The following CD8A variants were observed in gnomAD, a reference collection of about 807,000 sequenced individuals.
The protein encoded by CD8A is T-cell surface glycoprotein CD8 alpha chain.
Under a neutral mutation model 24.2 loss-of-function variants are expected in CD8A, and 25 were observed. That is an observed-to-expected ratio of 1.03 (90% CI 0.75 to 1.44). The LOEUF (loss-of-function observed/expected upper bound fraction) is 1.44. Among genes scored for constraint, CD8A ranks in the 40% most tolerant of loss-of-function variants. CD8A has a pLI of 0.00. For synonymous variants in CD8A, 165 were observed against 149.9 expected (o/e 1.10, Z -0.74); for missense variants, 360 against 319.7 (o/e 1.13, Z -0.96).
intron 2 of CD8A, among the ~76,000 whole-genome samples, chr2:86,802,881 G>A (rs1198255471): frequency 6.6e-6 from 1 of 152,176 alleles, no homozygotes; most frequent in East Asian, 1.9e-4. Flanking sequence ...AAAATGCTGG[G>A]ATTACAGGTG....
upstream of CD8A, among the ~76,000 whole-genome samples, chr2:86,793,737 A>C (rs1429121865): frequency 6.6e-6 from 1 of 152,228 alleles, no homozygotes; most frequent in African/African-American, 2.4e-5. Flanking sequence ...GATCTTGAGA[A>C]TCAGGCCCCT....
At chr2:86,807,058 G>C (rs1205105054) in intron 2 of CD8A, among the ~76,000 whole-genome samples, 1 of 152,096 alleles carries the variant, frequency 6.6e-6, no homozygotes, top group African/African-American at 2.4e-5. Flanking sequence ...GACTCAGGAG[G>C]CCTCTGAACA....
At chr2:86,796,814 G>A (rs1374286848) in intron 3 of CD8A, among the ~76,000 whole-genome samples, 5 of 152,154 alleles carry the variant, frequency 3.3e-5, no homozygotes, top group South Asian at 4.1e-4. Context: ...ACAATAAGAC[G>A]TCAGACTCTT....
intron 2 of CD8A, among the ~76,000 whole-genome samples, chr2:86,803,517 A>T (rs1017005672): frequency 5.9e-5 from 9 of 152,238 alleles, no homozygotes; most frequent in Non-Finnish European, 1.0e-4. Flanking sequence ...ACACAGAAAA[A>T]AAATATTGCA....
intron 5 of CD8A, among the ~76,000 whole-genome samples, chr2:86,787,759 C>T (rs1330957999): frequency 1.3e-5 from 2 of 152,120 alleles, no homozygotes; most frequent in Admixed American, 6.5e-5. Context: ...CACAAAGTTG[C>T]TGTGAGGATT....
At chr2:86,808,201 G>A (rs1030312956) in exon 1 of CD8A, 2 of 152,526 alleles carry the variant, frequency 1.3e-5, no homozygotes, top group Non-Finnish European at 2.9e-5. Flanking sequence ...CTCCTGAGGG[G>A]GTCAGGGCCT....
chr2:86,790,304 G>C lies in CD8A; in HGVS notation c.403+24C>G, dbSNP rs761070645. 4 of 1,551,670 alleles carry C rather than the reference G, an allele frequency of 2.6e-6. No homozygotes were observed. In the African/African-American group the frequency reaches 4.1e-5, roughly 16 times the overall value. On this transcript the variant is annotated intron_variant, in intron 2 of 5. Transcript: ENST00000283635. Reference sequence around the variant, plus strand: ...GTGAACCCCAAGCCCCACGCGGAGAGGTGCCGCAACCCGGCGCGCGGACCT... The same window carrying C: ...GTGAACCCCAAGCCCCACGCGGAGACGTGCCGCAACCCGGCGCGCGGACCT...
In CD8A at chr2:86,789,643, C is replaced by A. The variant is rs751865065; in HGVS notation, c.511G>T (p.Ala171Ser). The change falls in exon 3 of 6, where the codon GCA becomes TCA. Residue 171 changes from alanine to serine, a missense_variant. Ala to Ser is a moderately conservative substitution (Grantham distance 99). Transcript: ENST00000283635. ...CCCGGGCCCCCGCACGCCTCACCTG[C>A]GCCCCCCGCCGCTGGCCGGCACGCC... ...PEACRPAAGG[A>S]VHTRGLDFAC... 2.7e-6 allele frequency: 4 copies of A among 1,479,182 alleles called. No individual in the cohort carries two copies. The South Asian group carries it at 5.3e-5, about 20-fold the overall frequency. The allele number at this position is 1,479,182 out of a possible 1,614,324, so 91.6% of individuals were successfully genotyped here. A position where few individuals can be genotyped will look rare whatever the true frequency, so the allele number is the denominator to read the frequency against.
In CD8A at chr2:86,785,163, C is replaced by T; in HGVS notation, c.*757G>A. ...TGCAAGGGCTGGGAGAGCAATTCCG[C>T]CTCCACATAGGGGTTTCACAGAGAT... On this transcript the variant is annotated 3_prime_UTR_variant, in exon 6 of 6. Coordinates refer to ENST00000283635, the MANE Select transcript of CD8A (RefSeq NM_001768.7). 2.2e-6 allele frequency: 1 copy of T among 454,026 alleles called. No homozygotes were observed. Among genetic ancestry groups the T allele is most frequent in the South Asian group, 1.6e-5 (1 of 64,462 alleles). The allele number at this position is 454,026 out of a possible 1,614,324, so 28.1% of individuals were successfully genotyped here. A position where few individuals can be genotyped will look rare whatever the true frequency, so the allele number is the denominator to read the frequency against.
Position 86,790,372 on chromosome 2 carries a change from T to C in CD8A, c.359A>G (p.Asn120Ser), listed in dbSNP as rs201385983. Residue 120 changes from asparagine to serine, a missense_variant, in exon 2 of 6, where the codon AAC becomes AGC. Asn to Ser is a conservative substitution (Grantham distance 46, BLOSUM62 1). Transcript: ENST00000283635. ...EGYYFCSALS[N>S]SIMYFSHFVP... ...GAAGTGGCTGAAGTACATGATGGAG[T>C]TGCTCAGGGCCGAGCAGAAATAGTA... 9 of 1,613,012 alleles carry C rather than the reference T, an allele frequency of 5.6e-6. No individual in the cohort carries two copies. In the Admixed American group the frequency reaches 8.3e-5, roughly 15 times the overall value.
chr2:86,785,227 G>A lies in CD8A; in HGVS notation c.*693C>T. 2.2e-6 allele frequency: 1 copy of A among 453,662 alleles called. No homozygotes were observed. The highest frequency in any genetic ancestry group is 4.4e-6 in the Non-Finnish European group (1 of 226,746). The allele number at this position is 453,662 out of a possible 1,614,324, so 28.1% of individuals were successfully genotyped here. On this transcript the variant is annotated 3_prime_UTR_variant, in exon 6 of 6. Coordinates refer to ENST00000283635, the MANE Select transcript of CD8A (RefSeq NM_001768.7). ...AGAGGGATTCATTTTCCAGGGTTAAGCTCACCACTTCATTTTATTTTAGGT... is the reference window on the plus strand; with the variant it reads ...AGAGGGATTCATTTTCCAGGGTTAAACTCACCACTTCATTTTATTTTAGGT...
At chr2:86,805,341 T>A (rs1485085749) in intron 2 of CD8A, among the ~76,000 whole-genome samples, 1 of 152,170 alleles carries the variant, frequency 6.6e-6, no homozygotes, top group Non-Finnish European at 1.5e-5. Context: ...AGGAATGACT[T>A]GAGGAGTATG....
intron 3 of CD8A, among the ~76,000 whole-genome samples, chr2:86,798,538 T>G (rs956813449): frequency 3.3e-5 from 5 of 151,972 alleles, no homozygotes; most frequent in Non-Finnish European, 7.4e-5. Context: ...CTTTTTTTTT[T>G]TTGAGGCAGA....
At position 86,789,698 on chromosome 2, in the gene CD8A, G is replaced by A; in HGVS notation, c.456C>T (p.Ile152=). 7.1e-7 allele frequency: 1 copy of A among 1,405,224 alleles called. No individual in the cohort carries two copies. The highest frequency in any genetic ancestry group is 3.0e-5 in the Admixed American group (1 of 33,326). 87.0% of individuals were successfully genotyped at this position (1,405,224 alleles called of 1,614,324 possible). The part of the protein sequence containing the change: ...APRPPTPAPT[I]ASQPLSLRPE... Reference sequence around the variant, plus strand: ...GGCGCAGGGACAGGGGCTGCGACGCGATGGTGGGCGCCGGTGTTGGTGGTC... The same window carrying A: ...GGCGCAGGGACAGGGGCTGCGACGCAATGGTGGGCGCCGGTGTTGGTGGTC... Residue 152 remains isoleucine, a synonymous_variant, in exon 3 of 6, where the codon ATC becomes ATT. Coordinates refer to ENST00000283635, the MANE Select transcript of CD8A (RefSeq NM_001768.7).
Position 86,790,652 on chromosome 2 carries a change from A to G in CD8A, c.79T>C (p.Ser27Pro). The G allele has an allele frequency of 6.2e-7, 1 of 1,601,120 alleles. No individual in the cohort carries two copies. The change falls in exon 2 of 6, where the codon TCG becomes CCG. Residue 27 changes from serine to proline, a missense_variant. Transcript: ENST00000283635. ...AGGTTCCAGGTCCGATCCAGCGGCG[A>G]CACCCGGAACTGGCTCGGCCTGGCG... is the stretch of plus-strand genomic sequence containing the variant. ...HAARPSQFRV[S>P]PLDRTWNLGE...
chr2:86,788,634 G>A, intron 4 of CD8A, 74 bp from the exon 5 acceptor site: 1 of 1,330,948 alleles, frequency 7.5e-7, no homozygotes, highest in Non-Finnish European at 1.1e-6. Context: ...TGTATTTTTT[G>A]TTGTTGCTGT....
intron 3 of CD8A, among the ~76,000 whole-genome samples, chr2:86,796,470 A>C (rs1181046888): frequency 3.9e-5 from 6 of 152,214 alleles, no homozygotes; most frequent in Non-Finnish European, 7.3e-5. Context: ...TTTGAAATAT[A>C]ATTGGGAGAA....
upstream of CD8A, among the ~76,000 whole-genome samples, chr2:86,793,348 T>G (rs1040514667): frequency 6.6e-6 from 1 of 152,160 alleles, no homozygotes; most frequent in Admixed American, 6.5e-5. Context: ...CTTTTTCAAA[T>G]GGGAGATGAG....
chr2:86,790,623 G>C lies in CD8A; in HGVS notation c.108C>G (p.Gly36=). Residue 36 remains glycine (G), a synonymous_variant, in exon 2 of 6, where the codon GGC becomes GGG. Transcript: ENST00000283635. ...VSPLDRTWNL[G]ETVELKCQVL... ...CCTGGCACTTCAGCTCCACTGTCTCGCCCAGGTTCCAGGTCCGATCCAGCG... is the reference window on the plus strand; with the variant it reads ...CCTGGCACTTCAGCTCCACTGTCTCCCCCAGGTTCCAGGTCCGATCCAGCG... The C allele has an allele frequency of 1.2e-6, 2 of 1,606,446 alleles. No individual in the cohort carries two copies. Among genetic ancestry groups the C allele is most frequent in the Non-Finnish European group, 1.7e-6 (2 of 1,179,304 alleles).
Sources: gnomAD v4.1 joint callset for allele counts (sites outside exome capture counted in the v4.1 genomes callset) on GRCh38, gnomAD v4.1.1 for gene constraint, MANE v1.5 for transcripts, NCBI Gene and HGNC (gene_info 2026-07-23, HGNC 2026-07-21) for gene names.